Variants in MAD1L1 observed in about 807,000 individuals in gnomAD.
MAD1L1 encodes mitotic arrest deficient 1 like 1.
A neutral mutation model predicts 96.9 loss-of-function variants in MAD1L1; 95 were observed. That is an observed-to-expected ratio of 0.98 (90% confidence interval 0.83 to 1.16). The LOEUF (loss-of-function observed/expected upper bound fraction) is 1.16. Among genes scored for constraint, MAD1L1 ranks in the 50% most tolerant of loss-of-function variants. The pLI, the probability that MAD1L1 is intolerant of heterozygous loss-of-function variation, is 0.00. For missense variants in MAD1L1, 1,007 were observed against 954.4 expected, an observed-to-expected ratio of 1.06 and a Z score of -0.73; for synonymous variants, 473 against 396.6, an observed-to-expected ratio of 1.19 and a Z score of -2.29.
At chr7:1,851,957 C>A (rs1049454025) in intron 18 of MAD1L1, among the ~76,000 whole-genome samples, 3 of 152,124 alleles carry the variant, frequency 2.0e-5, no homozygotes, top group African/African-American at 7.2e-5. Context: ...CTCGGGGAGG[C>A]AGGGCCCGGC....
chr7:1,869,383 A>C (rs1365099197), intron 18 of MAD1L1, among the ~76,000 whole-genome samples: 1 of 152,078 alleles, frequency 6.6e-6, no homozygotes, highest in African/African-American at 2.4e-5. Flanking sequence ...TCTCAAGGGC[A>C]AGAACCAAGT....
intron 11 of MAD1L1, among the ~76,000 whole-genome samples, chr7:2,128,411 A>C (rs146583370): frequency 6.6e-6 from 1 of 152,016 alleles, no homozygotes; most frequent in Non-Finnish European, 1.5e-5. Flanking sequence ...GGCAGTTCAG[A>C]GTTCATGAAA....
chr7:2,194,531 C>T (rs999593461), intron 10 of MAD1L1, among the ~76,000 whole-genome samples: 9 of 152,174 alleles, frequency 5.9e-5, no homozygotes, highest in Non-Finnish European at 1.0e-4. Context: ...TCAGACAAGC[C>T]GTGAGGGCTA....
intron 18 of MAD1L1, among the ~76,000 whole-genome samples, chr7:1,827,563 G>A (rs1379383294): frequency 4.0e-5 from 4 of 100,968 alleles, no homozygotes; most frequent in East Asian, 2.8e-4. Flanking sequence ...TCCTGAGCCC[G>A]TCCCGGGTGT....
intron 15 of MAD1L1, among the ~76,000 whole-genome samples, chr7:1,958,041 C>A (rs557102477): frequency 3.9e-5 from 6 of 152,276 alleles, no homozygotes; most frequent in African/African-American, 1.4e-4. Flanking sequence ...TCAGTGTGTC[C>A]GTGTCCGTCA....
intron 14 of MAD1L1, among the ~76,000 whole-genome samples, chr7:1,988,173 C>A (rs779116478): frequency 3.3e-5 from 5 of 152,222 alleles, no homozygotes; most frequent in Non-Finnish European, 5.9e-5. Flanking sequence ...GAAGAGGGCG[C>A]TGGGGACAAG....
intron 14 of MAD1L1, among the ~76,000 whole-genome samples, chr7:1,985,365 C>T (rs1036419625): frequency 2.4e-4 from 37 of 152,238 alleles, no homozygotes; most frequent in East Asian, 5.8e-4. Context: ...GCCTGCAGAG[C>T]GGACTGGGCA....
intron 10 of MAD1L1, among the ~76,000 whole-genome samples, chr7:2,195,548 G>A (rs567494118): frequency 1.3e-5 from 2 of 152,308 alleles, no homozygotes; most frequent in South Asian, 2.1e-4. Context: ...AAAATTACAC[G>A]GGGTGGAAGC....
At chr7:1,908,459 G>A (rs1787811744) in intron 17 of MAD1L1, among the ~76,000 whole-genome samples, 1 of 152,156 alleles carries the variant, frequency 6.6e-6, no homozygotes, top group African/African-American at 2.4e-5. Context: ...GTGGCTCACT[G>A]TAGCCTCGAA....
At chr7:2,032,171 T>G (rs1241850522) in intron 12 of MAD1L1, among the ~76,000 whole-genome samples, 1 of 152,164 alleles carries the variant, frequency 6.6e-6, no homozygotes, top group African/African-American at 2.4e-5. Context: ...CCCTGTCCAG[T>G]GCCTGGAACA....
intron 12 of MAD1L1, among the ~76,000 whole-genome samples, chr7:2,065,173 C>T (rs961266665): frequency 3.3e-5 from 5 of 152,208 alleles, no homozygotes; most frequent in African/African-American, 7.2e-5. Context: ...CTGCATTCTG[C>T]CCCCTATTTA....
At chr7:2,144,550 G>C (rs748448773) in intron 11 of MAD1L1, among the ~76,000 whole-genome samples, 3 of 152,140 alleles carry the variant, frequency 2.0e-5, no homozygotes, top group African/African-American at 7.2e-5. Flanking sequence ...AGATCTGAAA[G>C]ATGACAGCAT....
intron 11 of MAD1L1, among the ~76,000 whole-genome samples, chr7:2,118,755 A>G (rs10239050): frequency 0.35 from 53,806 of 152,006 alleles, 10,347 homozygotes; most frequent in East Asian, 0.61. Flanking sequence ...CCTTCCGGAT[A>G]AGGGGCTACC....
At chr7:2,193,754 G>A (rs558045498) in intron 10 of MAD1L1, among the ~76,000 whole-genome samples, 10 of 152,262 alleles carry the variant, frequency 6.6e-5, no homozygotes, top group Non-Finnish European at 1.3e-4. Context: ...GCTGAGCCGC[G>A]ATCCGGGAGA....
chr7:1,870,130 C>T (rs1784975491), intron 18 of MAD1L1, among the ~76,000 whole-genome samples: 1 of 152,064 alleles, frequency 6.6e-6, no homozygotes, highest in African/African-American at 2.4e-5. Flanking sequence ...GAACTGTCGG[C>T]AGGAAGGCTG....
chr7:1,831,003 T>G (rs1359868099), intron 18 of MAD1L1, among the ~76,000 whole-genome samples: 8 of 152,270 alleles, frequency 5.3e-5, no homozygotes, highest in Non-Finnish European at 1.0e-4. Context: ...AGAAGCACAT[T>G]TTAACTATGA....
At chr7:1,872,204 A>G (rs942487793) in intron 18 of MAD1L1, among the ~76,000 whole-genome samples, 35 of 152,280 alleles carry the variant, frequency 2.3e-4, no homozygotes, top group African/African-American at 7.9e-4. Flanking sequence ...AGACATGCAC[A>G]CTGTGAGCCC....
chr7:1,964,058 A>G (rs1780059872), intron 15 of MAD1L1, among the ~76,000 whole-genome samples: 1 of 152,186 alleles, frequency 6.6e-6, no homozygotes, highest in African/African-American at 2.4e-5. Context: ...TGAGGCTCAG[A>G]AAGCCATCTG....
chr7:2,167,731 A>T lies in MAD1L1; in HGVS notation c.987-18493T>A, dbSNP rs186935963. On this transcript the variant is annotated intron_variant, in intron 10 of 18. Transcript: ENST00000265854. ...GGCAACCTCATCTCTTAAAAAAATT[A>T]AAAAAAAAAACACAATATTTTAGAC... Among the ~76,000 whole-genome samples the T allele has an allele frequency of 1.9e-3, 276 of 143,362 alleles. 2 individuals are homozygous for T. Among genetic ancestry groups the T allele is most frequent in the Admixed American group, 7.6e-3 (110 of 14,536 alleles). The allele number at this position is 143,362 out of a possible 152,430, so 94.1% of individuals were successfully genotyped here.
Sources: allele counts gnomAD v4.1 joint callset (sites outside exome capture counted in the v4.1 genomes callset), GRCh38; gene constraint gnomAD v4.1.1; transcripts MANE v1.5; gene names NCBI Gene and HGNC (gene_info 2026-07-23, HGNC 2026-07-21).